The following IFT43 variants were observed in gnomAD, a reference collection of about 807,000 sequenced individuals.
IFT43 encodes intraflagellar transport 43, also known as intraflagellar transport protein 43 homolog.
A neutral mutation model predicts 32.3 loss-of-function variants in IFT43; 33 were observed. The ratio of observed to expected loss-of-function variants is 1.02; its 90% CI spans 0.77 to 1.37. IFT43 has a LOEUF of 1.37. Among genes scored for constraint, IFT43 ranks in the 40% most tolerant of loss-of-function variants. The probability of loss-of-function intolerance (pLI) is 0.00; values close to 1 mark genes in which losing one functional copy is unlikely to be tolerated. For synonymous variants in IFT43, 93 were observed against 98.2 expected (o/e 0.95, Z 0.31); for missense variants, 274 against 265.9 (o/e 1.03, Z -0.21).
chr14:76,071,634 A>T (rs2037322575), intron 5 of IFT43, among the ~76,000 whole-genome samples: 1 of 152,238 alleles, frequency 6.6e-6, no homozygotes, highest in African/African-American at 2.4e-5. Flanking sequence ...CCATACAGGT[A>T]CACGATAGGC....
At chr14:76,025,989 A>G (rs2036385923) in intron 3 of IFT43, among the ~76,000 whole-genome samples, 1 of 152,250 alleles carries the variant, frequency 6.6e-6, no homozygotes, top group African/African-American at 2.4e-5. Context: ...CAGCAAAGGA[A>G]ACTGTCAACA....
At chr14:76,064,737 G>A (rs1332173559) in intron 5 of IFT43, among the ~76,000 whole-genome samples, 2 of 152,120 alleles carry the variant, frequency 1.3e-5, no homozygotes, top group African/African-American at 2.4e-5. Context: ...AAGTAAGAAA[G>A]CATTAAACTC....
chr14:76,046,200 A>G (rs2036804525), intron 3 of IFT43, among the ~76,000 whole-genome samples: 1 of 152,166 alleles, frequency 6.6e-6, no homozygotes. Context: ...AAAGCAGAAG[A>G]TGGAAAAAAA....
chr14:76,035,190 T>G (rs1025142152), intron 3 of IFT43, among the ~76,000 whole-genome samples: 1 of 152,192 alleles, frequency 6.6e-6, no homozygotes, highest in East Asian at 1.9e-4. Flanking sequence ...TAATTGACAC[T>G]AAATGATCTG....
intron 2 of IFT43, among the ~76,000 whole-genome samples, chr14:76,006,950 TAG>T (rs900395719): frequency 6.7e-6 from 1 of 149,870 alleles, no homozygotes; most frequent in Admixed American, 6.7e-5. Flanking sequence ...CTCTATCTCC[TAG>T]GTTCAAGCAA....
chr14:76,069,697 A>G (rs2037286859), intron 5 of IFT43, among the ~76,000 whole-genome samples: 1 of 152,248 alleles, frequency 6.6e-6, no homozygotes, highest in Admixed American at 6.5e-5. Context: ...AGAATTTGTG[A>G]GCTCCAAAAT....
At chr14:75,990,218 A>G (rs1444306028) in intron 2 of IFT43, among the ~76,000 whole-genome samples, 1 of 152,194 alleles carries the variant, frequency 6.6e-6, no homozygotes, top group Non-Finnish European at 1.5e-5. Context: ...GTATTGCCAG[A>G]TATGATTCTT....
chr14:76,075,926 G>C (rs945472535), intron 5 of IFT43, among the ~76,000 whole-genome samples: 5 of 152,190 alleles, frequency 3.3e-5, no homozygotes, highest in Admixed American at 6.5e-5. Context: ...CTAAAAACAC[G>C]GGCATTGTTT....
At chr14:76,001,388 A>G (rs2035882480) in intron 2 of IFT43, among the ~76,000 whole-genome samples, 1 of 152,204 alleles carries the variant, frequency 6.6e-6, no homozygotes, top group African/African-American at 2.4e-5. Flanking sequence ...CTTACATAGA[A>G]ATGACTCCTG....
chr14:76,067,267 G>T (rs1263087337), intron 5 of IFT43, among the ~76,000 whole-genome samples: 1 of 152,138 alleles, frequency 6.6e-6, no homozygotes, highest in Non-Finnish European at 1.5e-5. Flanking sequence ...GAAAAGAGAA[G>T]AGAAAAATAG....
At chr14:76,058,776 G>A in intron 4 of IFT43, 102 bp downstream of exon 4, 1 of 1,599,472 alleles carries the variant, frequency 6.3e-7, no homozygotes, top group Non-Finnish European at 8.5e-7. Context: ...TGAACACTGT[G>A]TTAGAAGTCT....
rs561636413 is a variant in IFT43, at chr14:76,027,808, T to A, written c.215+5414T>A. On this transcript the variant is annotated intron_variant, in intron 3 of 8. Coordinates refer to ENST00000314067, the MANE Select transcript of IFT43 (RefSeq NM_001102564.3). ...TTCATAGTGGTTTAATAATATTTAA[T>A]ATATAGTTTATATTTGAATATTCCC... Among the ~76,000 whole-genome samples, 5 of 152,238 alleles carry A rather than the reference T, an allele frequency of 3.3e-5. No homozygotes were observed. In the East Asian group the frequency reaches 9.6e-4, roughly 29 times the overall value.
At chr14:76,065,628 T>TC (rs57708934) in intron 5 of IFT43, among the ~76,000 whole-genome samples, 6 of 152,184 alleles carry the variant, frequency 3.9e-5, no homozygotes, top group Admixed American at 3.9e-4. Flanking sequence ...CTTTTTTTTT[T>TC]CACTCAGTGT....
intron 5 of IFT43, among the ~76,000 whole-genome samples, chr14:76,061,793 T>A (rs886553269): frequency 3.3e-5 from 5 of 152,182 alleles, no homozygotes; most frequent in African/African-American, 1.2e-4. Flanking sequence ...GAGTTCAGAT[T>A]TTTTTCAGAT....
intron 2 of IFT43, among the ~76,000 whole-genome samples, chr14:76,004,099 A>C (rs1239799860): frequency 6.6e-6 from 1 of 152,198 alleles, no homozygotes; most frequent in Non-Finnish European, 1.5e-5. Flanking sequence ...TACTTTAAAC[A>C]GTTGTCACTG....
At chr14:76,060,208 ATTG>A (rs2037103585) in intron 5 of IFT43, among the ~76,000 whole-genome samples, 2 of 151,892 alleles carry the variant, frequency 1.3e-5, no homozygotes, top group Admixed American at 1.3e-4. Flanking sequence ...CCAAATTATT[ATTG>A]TTATTATTAT....
chr14:76,022,286 T>C, intron 2 of IFT43, 41 bp from the exon 3 acceptor site: 1 of 1,538,252 alleles, frequency 6.5e-7, no homozygotes, highest in Non-Finnish European at 9.0e-7. Flanking sequence ...TAAATGCAAA[T>C]GTTGAGTGAA....
intron 2 of IFT43, among the ~76,000 whole-genome samples, chr14:76,010,904 CTTT>C (rs759636307): frequency 2.9e-5 from 4 of 139,974 alleles, no homozygotes; most frequent in Admixed American, 1.4e-4. Context: ...CTCACTTCTC[CTTT>C]TTTTTTTTTT....
chr14:76,064,536 G>A (rs1334802598), intron 5 of IFT43, among the ~76,000 whole-genome samples: 1 of 152,214 alleles, frequency 6.6e-6, no homozygotes, highest in East Asian at 1.9e-4. Context: ...AGAGCCTCTG[G>A]TTTGAACCGG....
Sources: gnomAD v4.1 joint callset for allele counts (sites outside exome capture counted in the v4.1 genomes callset) on GRCh38, gnomAD v4.1.1 for gene constraint, MANE v1.5 for transcripts, NCBI Gene and HGNC (gene_info 2026-07-23, HGNC 2026-07-21) for gene names.